CAMKMT: variants seen among roughly 807,000 people sequenced by gnomAD.
CAMKMT encodes the protein calmodulin-lysine N-methyltransferase.
In CAMKMT, 53 loss-of-function variants were observed where a neutral mutation model predicts 48.0. That is an observed-to-expected ratio of 1.10 (90% confidence interval 0.89 to 1.39). The LOEUF (loss-of-function observed/expected upper bound fraction) is 1.39. Ranked by LOEUF, CAMKMT falls within the 40% of genes most tolerant of loss-of-function variation. CAMKMT has a pLI of 0.00. For missense variants in CAMKMT, 428 were observed against 402.7 expected (o/e 1.06, Z -0.54); for synonymous variants, 165 against 152.3 (o/e 1.08, Z -0.61).
At chr2:44,430,508 C>T (rs1684585740) in intron 3 of CAMKMT, among the ~76,000 whole-genome samples, 1 of 151,110 alleles carries the variant, frequency 6.6e-6, no homozygotes, top group South Asian at 2.1e-4. Context: ...GCATACTAGA[C>T]CCAGAGCTAC....
chr2:44,487,997 A>G (rs2104702267), intron 3 of CAMKMT, among the ~76,000 whole-genome samples: 1 of 152,336 alleles, frequency 6.6e-6, no homozygotes, highest in East Asian at 1.9e-4. Context: ...TTTTCATACT[A>G]GCTTTGTAAA....
chr2:44,430,703 AAG>A (rs1439510321), intron 3 of CAMKMT, among the ~76,000 whole-genome samples: 1 of 152,172 alleles, frequency 6.6e-6, no homozygotes, highest in Non-Finnish European at 1.5e-5. Flanking sequence ...CTGGATAAAT[AAG>A]AGTCTTTTTT....
At chr2:44,748,921 C>G (rs1298485860) in intron 8 of CAMKMT, among the ~76,000 whole-genome samples, 1 of 152,138 alleles carries the variant, frequency 6.6e-6, no homozygotes, top group Non-Finnish European at 1.5e-5. Flanking sequence ...TGATTCCTTT[C>G]TCGTTAATTC....
At chr2:44,518,265 GGC>G (rs1670932208) in intron 3 of CAMKMT, among the ~76,000 whole-genome samples, 1 of 152,036 alleles carries the variant, frequency 6.6e-6, no homozygotes, top group Non-Finnish European at 1.5e-5. Context: ...ACAAGGAAGG[GGC>G]CGTTATGGGT....
chr2:44,524,732 T>G (rs902479871), intron 3 of CAMKMT, among the ~76,000 whole-genome samples: 2 of 152,218 alleles, frequency 1.3e-5, no homozygotes, highest in Non-Finnish European at 2.9e-5. Flanking sequence ...ATTTGTGTAT[T>G]TACCTGTATG....
chr2:44,603,071 C>T (rs916612888), intron 3 of CAMKMT, among the ~76,000 whole-genome samples: 1 of 151,864 alleles, frequency 6.6e-6, no homozygotes, highest in African/African-American at 2.4e-5. Flanking sequence ...GATACACACA[C>T]ATATATATAT....
At chr2:44,437,739 G>A (rs1666357938) in intron 3 of CAMKMT, among the ~76,000 whole-genome samples, 2 of 151,674 alleles carry the variant, frequency 1.3e-5, no homozygotes, top group Non-Finnish European at 2.9e-5. Flanking sequence ...CCAGCTACTC[G>A]GGAGGTTGAG....
chr2:44,417,237 C>CA (rs931101758), intron 3 of CAMKMT, among the ~76,000 whole-genome samples: 19 of 151,540 alleles, frequency 1.3e-4, no homozygotes, highest in African/African-American at 3.6e-4. Flanking sequence ...ACTAAAAATA[C>CA]AAAAAAAATT....
Position 44,631,435 on chromosome 2 carries a change from ACAAAT to A in CAMKMT, c.377-72843_377-72839del, listed in dbSNP as rs999776169. Reference sequence around the variant, plus strand: ...AATAATAATAAAAAAGAAAGGAAATACAAATCAAAGAGTTTAAATAAGAAAAAAAA... The same window carrying A: ...AATAATAATAAAAAAGAAAGGAAATACAAAGAGTTTAAATAAGAAAAAAAA... On this transcript the variant is annotated intron_variant, in intron 3 of 10. Coordinates refer to ENST00000378494, the MANE Select transcript of CAMKMT (RefSeq NM_024766.5). The A allele has an allele frequency of 7.0e-6, 4 of 568,996 alleles. No homozygotes were observed. The African/African-American group carries it at 7.9e-5, about 11-fold the overall frequency. The allele number at this position is 568,996 out of a possible 1,614,324, so 35.2% of individuals were successfully genotyped here.
chr2:44,577,149 A>G (rs766987507), intron 3 of CAMKMT, among the ~76,000 whole-genome samples: 51 of 152,234 alleles, frequency 3.4e-4, no homozygotes, highest in Non-Finnish European at 5.6e-4. Context: ...TGCTTTTAAA[A>G]TACAGGTGGG....
chr2:44,769,994 A>G (rs1681038521), intron 10 of CAMKMT, among the ~76,000 whole-genome samples: 1 of 152,268 alleles, frequency 6.6e-6, no homozygotes, highest in South Asian at 2.1e-4. Context: ...AATTTAGTTT[A>G]GTCCTCAAAG....
rs1185467380 is a variant in CAMKMT, at chr2:44,673,522, GAGGGA to G, written c.377-30757_377-30753del. Among the ~76,000 whole-genome samples the G allele has an allele frequency of 6.5e-5, 5 of 76,630 alleles. No individual in the cohort carries two copies. The East Asian group carries it at 1.5e-3, about 23-fold the overall frequency. 50.3% of individuals were successfully genotyped at this position (76,630 alleles called of 152,430 possible). On this transcript the variant is annotated intron_variant, in intron 3 of 10. Transcript: ENST00000378494. ...GGAAGGAAGGAAGGAAGGAAGGAAG[GAGGGA>G]AGGAAGAAATCTATACACCCAAAAA... is the stretch of plus-strand genomic sequence containing the variant.
rs182773484 is a variant in CAMKMT at position 44,467,409 on chromosome 2, G to A, written c.376+77104G>A. On this transcript the variant is annotated intron_variant, in intron 3 of 10. Coordinates refer to ENST00000378494, the MANE Select transcript of CAMKMT (RefSeq NM_024766.5). ...TAGCCAGGCATGGTGGTGGGTGCCTGTAATCCCAGCTGCTAGGGAGGATGA... is the reference window on the plus strand; with the variant it reads ...TAGCCAGGCATGGTGGTGGGTGCCTATAATCCCAGCTGCTAGGGAGGATGA... Among the ~76,000 whole-genome samples the A allele has an allele frequency of 1.1e-3, 161 of 152,278 alleles. 3 individuals are homozygous for A. The highest frequency in any genetic ancestry group is 0.01 in the Admixed American group (157 of 15,294).
At chr2:44,397,312 G>T (rs996094846) in intron 3 of CAMKMT, among the ~76,000 whole-genome samples, 16 of 152,128 alleles carry the variant, frequency 1.1e-4, no homozygotes, top group Admixed American at 7.9e-4. Context: ...AAATATTTAA[G>T]GTCATCAATG....
intron 7 of CAMKMT, among the ~76,000 whole-genome samples, chr2:44,738,919 A>AG (rs1679511777): frequency 6.6e-6 from 1 of 152,180 alleles, no homozygotes; most frequent in Admixed American, 6.5e-5. Context: ...AGATATCTGG[A>AG]GGAAGAGCAT....
chr2:44,741,061 G>A (rs981315244), intron 7 of CAMKMT, among the ~76,000 whole-genome samples: 1 of 152,332 alleles, frequency 6.6e-6, no homozygotes, highest in Non-Finnish European at 1.5e-5. Flanking sequence ...AAGGAGATAA[G>A]TTCAGAAATT....
intron 4 of CAMKMT, among the ~76,000 whole-genome samples, 182 bp from the exon 5 acceptor site, chr2:44,706,105 T>A (rs977654889): frequency 2.0e-5 from 3 of 152,150 alleles, no homozygotes; most frequent in Non-Finnish European, 4.4e-5. Context: ...GCTTTGTGAC[T>A]TTTCTATTTC....
intron 3 of CAMKMT, among the ~76,000 whole-genome samples, chr2:44,463,788 A>C (rs1236500190): frequency 6.6e-6 from 1 of 152,208 alleles, no homozygotes; most frequent in Non-Finnish European, 1.5e-5. Flanking sequence ...GAGAAGATAC[A>C]TCTCCCCATA....
At position 44,483,819 on chromosome 2, in the gene CAMKMT, G is replaced by A. The variant is rs149411119; in HGVS notation, c.376+93514G>A. 5.0e-4 allele frequency among the ~76,000 whole-genome samples: 76 copies of A among 152,206 alleles called. 1 individual carries two copies. Among genetic ancestry groups the A allele is most frequent in the Admixed American group, 8.5e-4 (13 of 15,274 alleles). ...AAATTCTAGCAAAGTTGTGATTCCCGTTGATTTTAAAGAGTGATAGGAGTG... is the reference window on the plus strand; with the variant it reads ...AAATTCTAGCAAAGTTGTGATTCCCATTGATTTTAAAGAGTGATAGGAGTG... On this transcript the variant is annotated intron_variant, in intron 3 of 10. Transcript: ENST00000378494.
Sources: allele counts gnomAD v4.1 joint callset (sites outside exome capture counted in the v4.1 genomes callset), GRCh38; gene constraint gnomAD v4.1.1; transcripts MANE v1.5; gene names NCBI Gene and HGNC (gene_info 2026-07-23, HGNC 2026-07-21).